The following TTC7B variants were observed in gnomAD, a reference collection of about 807,000 sequenced individuals.
TTC7B encodes tetratricopeptide repeat protein 7B.
In TTC7B, 28 loss-of-function variants were observed where a neutral mutation model predicts 106.8. That is an observed-to-expected ratio of 0.26 (90% CI 0.19 to 0.36). The LOEUF is 0.36. Among genes scored for constraint, TTC7B ranks in the 10% least tolerant of loss-of-function variants. The probability of loss-of-function intolerance (pLI) is 1.00; values close to 1 mark genes in which losing one functional copy is unlikely to be tolerated. For synonymous variants in TTC7B, 405 were observed against 430.6 expected (o/e 0.94, Z 0.74); for missense variants, 862 against 1,076.4 (o/e 0.80, Z 2.79).
intron 17 of TTC7B, chr14:90,605,774 A>AG: frequency 8.1e-7 from 1 of 1,239,386 alleles, no homozygotes; most frequent in Non-Finnish European, 1.0e-6. Flanking sequence ...AAAGTGAAAG[A>AG]GAAAAAAAGG....
intron 19 of TTC7B, among the ~76,000 whole-genome samples, chr14:90,546,369 C>T (rs1889829808): frequency 6.6e-6 from 1 of 152,256 alleles, no homozygotes; most frequent in Admixed American, 6.5e-5. Flanking sequence ...TTGCTCTCTC[C>T]TCCGGAGATC....
At chr14:90,751,261 A>T (rs185287963) in intron 3 of TTC7B, among the ~76,000 whole-genome samples, 26 of 152,362 alleles carry the variant, frequency 1.7e-4, no homozygotes, top group Non-Finnish European at 2.4e-4. Context: ...ATGAGTGCTA[A>T]AAGTGGCTGA....
Position 90,537,985 on chromosome 14 carries a change from T to A in TTC7B, c.*3383A>T, listed in dbSNP as rs561021415. On this transcript the variant is annotated 3_prime_UTR_variant, in exon 20 of 20. Coordinates refer to ENST00000328459, the MANE Select transcript of TTC7B (RefSeq NM_001010854.2). The stretch of plus-strand genomic sequence containing the variant: ...GAATGAATGAATGAAATTTCACAGA[T>A]GGGGAGACTAAGACCAGGGAACAGG... 6.6e-6 allele frequency: 1 copy of A among 152,208 alleles called. No individual in the cohort carries two copies. Among genetic ancestry groups the A allele is most frequent in the Non-Finnish European group, 1.5e-5 (1 of 68,034 alleles). The allele number at this position is 152,208 out of a possible 1,614,324, so 9.4% of individuals were successfully genotyped here.
At chr14:90,602,131 G>T (rs1382102243) in intron 17 of TTC7B, 1 of 456,034 alleles carries the variant, frequency 2.2e-6, no homozygotes, top group Admixed American at 2.3e-5. Flanking sequence ...AAAGGCTCAG[G>T]TCATTCAAAT....
chr14:90,748,386 T>G (rs992386552), intron 3 of TTC7B, among the ~76,000 whole-genome samples: 3 of 152,236 alleles, frequency 2.0e-5, no homozygotes, highest in African/African-American at 7.2e-5. Flanking sequence ...TGGAGTACAG[T>G]GGCGCGATCT....
chr14:90,658,396 G>A lies in TTC7B; in HGVS notation c.1153-9C>T, dbSNP rs776608651. 1.3e-5 allele frequency: 21 copies of A among 1,613,650 alleles called. No individual in the cohort carries two copies. Among genetic ancestry groups the A allele is most frequent in the South Asian group, 2.2e-5 (2 of 91,088 alleles). Reference sequence around the variant, plus strand: ...ATGGCTCTTTCTAGGCACTGGTTGGGAAAGAAAAACAAATGCAGACATCTG... The same window carrying A: ...ATGGCTCTTTCTAGGCACTGGTTGGAAAAGAAAAACAAATGCAGACATCTG... On this transcript the variant is annotated splice_polypyrimidine_tract_variant and intron_variant, in intron 9 of 19. Coordinates refer to ENST00000328459, the MANE Select transcript of TTC7B (RefSeq NM_001010854.2).
At chr14:90,722,264 C>A (rs1380789544) in intron 5 of TTC7B, among the ~76,000 whole-genome samples, 1 of 152,190 alleles carries the variant, frequency 6.6e-6, no homozygotes, top group Non-Finnish European at 1.5e-5. Context: ...CCGGCTCTAT[C>A]CCTCCCTCCA....
At chr14:90,804,290 C>A (rs2030466933) in intron 1 of TTC7B, among the ~76,000 whole-genome samples, 2 of 151,708 alleles carry the variant, frequency 1.3e-5, no homozygotes, top group African/African-American at 4.8e-5. Context: ...GCCAAGATCA[C>A]CACTGCACTC....
intron 16 of TTC7B, among the ~76,000 whole-genome samples, chr14:90,616,672 G>A (rs940982654): frequency 6.6e-6 from 1 of 152,178 alleles, no homozygotes; most frequent in Non-Finnish European, 1.5e-5. Context: ...CCCTTAACAG[G>A]GCCCTGACTT....
chr14:90,654,196 A>G (rs955426673), intron 12 of TTC7B, among the ~76,000 whole-genome samples: 1 of 152,152 alleles, frequency 6.6e-6, no homozygotes, highest in African/African-American at 2.4e-5. Flanking sequence ...GGGCACACGG[A>G]GGGCTCCCCA....
chr14:90,590,181 G>A (rs1009503148), intron 18 of TTC7B, among the ~76,000 whole-genome samples: 2 of 152,186 alleles, frequency 1.3e-5, no homozygotes, highest in South Asian at 4.1e-4. Flanking sequence ...CTATCATACA[G>A]AAAGTGGGGA....
chr14:90,582,218 C>A lies in TTC7B; in HGVS notation c.2108-3910G>T, dbSNP rs188704593. On this transcript the variant is annotated intron_variant, in intron 18 of 19. Coordinates refer to ENST00000328459, the MANE Select transcript of TTC7B (RefSeq NM_001010854.2). ...GTGTGGCTCCCTCTTGTTTGCCCCC[C>A]TCTCTCTGCCTCTGAGGCGCCACTG... Among the ~76,000 whole-genome samples, 198 of 152,352 alleles carry A rather than the reference C, an allele frequency of 1.3e-3. 1 individual carries two copies. The highest frequency in any genetic ancestry group is 6.8e-3 in the Middle Eastern group (2 of 294).
intron 19 of TTC7B, among the ~76,000 whole-genome samples, chr14:90,574,075 C>G (rs1166684027): frequency 6.6e-6 from 1 of 152,192 alleles, no homozygotes; most frequent in Non-Finnish European, 1.5e-5. Flanking sequence ...CTGGGAATGA[C>G]TGTCCAGGGA....
Position 90,816,192 on chromosome 14 carries a change from G to C in TTC7B, c.104C>G (p.Ala35Gly). Residue 35 changes from alanine to glycine, a missense_variant, in exon 1 of 20, where the codon GCC becomes GGC. Transcript: ENST00000328459. ...GAGCGTACCGTTGGCGATGAGCTTGGCCGACAGCTGCTTGACGAGCTCAGG... is the reference window on the plus strand; with the variant it reads ...GAGCGTACCGTTGGCGATGAGCTTGCCCGACAGCTGCTTGACGAGCTCAGG... ...RIPELVKQLS[A>G]KLIANDDMAE... 1 of 1,265,620 alleles carries C rather than the reference G, an allele frequency of 7.9e-7. No homozygotes were observed. The highest frequency in any genetic ancestry group is 1.0e-6 in the Non-Finnish European group (1 of 973,080). 78.4% of individuals were successfully genotyped at this position (1,265,620 alleles called of 1,614,324 possible).
In TTC7B at chr14:90,689,514, A is replaced by G. The variant is rs777950261; in HGVS notation, c.950+26T>C. 25 of 1,603,540 alleles carry G rather than the reference A, an allele frequency of 1.6e-5. 1 individual carries two copies. The highest frequency in any genetic ancestry group is 2.2e-5 in the South Asian group (2 of 90,022). On this transcript the variant is annotated intron_variant, in intron 7 of 19. Transcript: ENST00000328459. Reference sequence around the variant, plus strand: ...AAGTTTTCCTCCCAACCCATAACCTACAAGTGAGGACATCAACTTTCATAC... The same window carrying G: ...AAGTTTTCCTCCCAACCCATAACCTGCAAGTGAGGACATCAACTTTCATAC...
rs941883881 is a variant in TTC7B, at chr14:90,570,893, C to T, written c.2310+7213G>A. 2.6e-5 allele frequency among the ~76,000 whole-genome samples: 4 copies of T among 152,168 alleles called. No individual in the cohort carries two copies. Among genetic ancestry groups the T allele is most frequent in the African/African-American group, 4.8e-5 (2 of 41,428 alleles). On this transcript the variant is annotated intron_variant, in intron 19 of 19. Transcript: ENST00000328459. This position sits in a 1 kb window ranked among gnomAD's most constrained non-coding sequence, Gnocchi z 4.0. ...CACAGAGAGATGAAGGGACTTATCT[C>T]GGGGTACGCAGTTAGTAAGCGACAC... is the stretch of plus-strand genomic sequence containing the variant.
At position 90,541,494 on chromosome 14, in the gene TTC7B, G is replaced by T. The variant is rs147731092; in HGVS notation, c.2406C>A (p.Asn802Lys). The change falls in exon 20 of 20, where the codon AAC (asparagine) becomes AAA (lysine). Residue 802 changes from asparagine (N) to lysine (K), a missense_variant. Physicochemically the swap from Asn to Lys is moderately conservative, Grantham distance 94. Transcript: ENST00000328459. ...GAGCTTGGAGGACCTCGCCCAGCCC[G>T]TTCCAGACCTCGTGGGCTGTCGAGT... ...QVNSTAHEVW[N>K]GLGEVLQAQG... 6.2e-7 allele frequency: 1 copy of T among 1,614,068 alleles called. No homozygotes were observed. The highest frequency in any genetic ancestry group is 1.1e-5 in the South Asian group (1 of 91,078).
intron 4 of TTC7B, among the ~76,000 whole-genome samples, chr14:90,737,423 G>T (rs772195997): frequency 6.6e-6 from 1 of 151,830 alleles, no homozygotes; most frequent in African/African-American, 2.4e-5. Flanking sequence ...CCACACAATG[G>T]CACAATTATT....
At chr14:90,643,377 C>T (rs1202474715) in intron 15 of TTC7B, among the ~76,000 whole-genome samples, 2 of 151,418 alleles carry the variant, frequency 1.3e-5, no homozygotes, top group Middle Eastern at 3.4e-3. Context: ...CACTGCACTA[C>T]AGACTGGGCA....
Sources: gnomAD v4.1 joint callset for allele counts (sites outside exome capture counted in the v4.1 genomes callset) on GRCh38, gnomAD v4.1.1 for gene constraint, Gnocchi (gnomAD v3.1) non-coding constraint, MANE v1.5 for transcripts, NCBI Gene and HGNC (gene_info 2026-07-23, HGNC 2026-07-21) for gene names.